Variants in CNIH3 observed in about 807,000 individuals in gnomAD.
The protein encoded by CNIH3 is protein cornichon homolog 3.
CNIH3 carries 14 observed loss-of-function variants against 24.1 expected under a neutral mutation model. That is an observed-to-expected ratio of 0.58 (90% confidence interval 0.38 to 0.91). The LOEUF (loss-of-function observed/expected upper bound fraction) is 0.91. CNIH3 is among the 40% of genes least tolerant of loss of function. The pLI, the probability that CNIH3 is intolerant of heterozygous loss-of-function variation, is 0.00. For missense variants in CNIH3, 178 were observed against 196.8 expected, an observed-to-expected ratio of 0.90 and a Z score of 0.57; for synonymous variants, 68 against 73.8, an observed-to-expected ratio of 0.92 and a Z score of 0.40.
At chr1:224,512,409 G>T (rs1260177198), upstream of CNIH3, among the ~76,000 whole-genome samples, 1 of 152,196 alleles carries the variant, frequency 6.6e-6, no homozygotes, top group Non-Finnish European at 1.5e-5. Context: ...GAGCCCAGGT[G>T]TTTGAGGTTA....
chr1:224,619,933 G>T (rs993052414), intron 1 of CNIH3, among the ~76,000 whole-genome samples: 1 of 152,222 alleles, frequency 6.6e-6, no homozygotes, highest in Non-Finnish European at 1.5e-5. Context: ...TATGTATTGG[G>T]TGTCTGCTGT....
At chr1:224,701,364 C>T (rs938917053) in intron 3 of CNIH3, among the ~76,000 whole-genome samples, 1 of 152,128 alleles carries the variant, frequency 6.6e-6, no homozygotes, top group African/African-American at 2.4e-5. Context: ...ATTAAGGTGC[C>T]AGACAATTCA....
intron 1 of CNIH3, among the ~76,000 whole-genome samples, chr1:224,643,995 G>A (rs1231387903): frequency 6.6e-6 from 1 of 152,168 alleles, no homozygotes; most frequent in African/African-American, 2.4e-5. Context: ...CAACCCTGGT[G>A]GATCTAGTGG....
At chr1:224,531,537 A>G (rs1201375031) in intron 2 of CNIH3, among the ~76,000 whole-genome samples, 2 of 152,258 alleles carry the variant, frequency 1.3e-5, no homozygotes, top group Non-Finnish European at 2.9e-5. Flanking sequence ...TGAAAGGCCA[A>G]GACAACTGGA....
At chr1:224,661,545 A>T (rs1397908509) in intron 1 of CNIH3, 1 of 354,266 alleles carries the variant, frequency 2.8e-6, no homozygotes, top group Admixed American at 3.1e-5. Context: ...ATAGATTTTC[A>T]AAGTAGGTAA....
intron 3 of CNIH3, among the ~76,000 whole-genome samples, chr1:224,549,826 A>G (rs1679843249): frequency 1.3e-5 from 2 of 152,132 alleles, no homozygotes; most frequent in Admixed American, 1.3e-4. Flanking sequence ...AATTACAAAT[A>G]CTGGATATTA....
rs368620401 is a variant in CNIH3 at position 224,525,273 on chromosome 1, A to C, written n.343+3946A>C. Among the ~76,000 whole-genome samples the C allele has an allele frequency of 1.1e-4, 16 of 152,358 alleles. No homozygotes were observed. In the East Asian group the frequency reaches 2.9e-3, roughly 28 times the overall value. ...GTTTTGCATATATTTGGTGTCATGC[A>C]ACTTTTAACTAAATGAAAGGAGAGT... On this transcript the variant is annotated intron_variant and non_coding_transcript_variant, in intron 2 of 2. Coordinates refer to the CNIH3 transcript ENST00000470602.
At chr1:224,671,228 T>TG (rs1489777169) in intron 1 of CNIH3, among the ~76,000 whole-genome samples, 1 of 152,252 alleles carries the variant, frequency 6.6e-6, no homozygotes, top group African/African-American at 2.4e-5. Context: ...TAGGGAACCC[T>TG]GACCAATACA....
intron 3 of CNIH3, among the ~76,000 whole-genome samples, chr1:224,708,382 C>T (rs1206672984): frequency 1.3e-5 from 2 of 152,208 alleles, no homozygotes; most frequent in African/African-American, 4.8e-5. Flanking sequence ...TGTCTTAAAA[C>T]ACATTTCGTC....
chr1:224,684,831 C>T lies in CNIH3; in HGVS notation c.186C>T (p.Phe62=), dbSNP rs1558291077. 1.2e-6 allele frequency: 2 copies of T among 1,614,126 alleles called. No individual in the cohort carries two copies. Among genetic ancestry groups the T allele is most frequent in the South Asian group, 2.2e-5 (2 of 91,080 alleles). The part of the protein sequence containing the change: ...ERLRNIERIC[F]LLRKLVLPEY... ...TGAGGAACATCGAGCGCATCTGCTT[C>T]CTTCTGCGAAAGGTCAGTGTGGCAG... The change falls in exon 3 of 6, where the codon TTC becomes TTT. Residue 62 remains phenylalanine (F), a synonymous_variant. Transcript: ENST00000272133. This position sits in a 1 kb window ranked among gnomAD's most constrained non-coding sequence, Gnocchi z 4.2.
chr1:224,638,302 C>T (rs1316282504), intron 1 of CNIH3, among the ~76,000 whole-genome samples: 1 of 152,244 alleles, frequency 6.6e-6, no homozygotes, highest in East Asian at 1.9e-4. Flanking sequence ...TGGGGAGATT[C>T]CCAAGGGACA....
chr1:224,641,294 C>T (rs1391009967), intron 1 of CNIH3, among the ~76,000 whole-genome samples: 1 of 152,204 alleles, frequency 6.6e-6, no homozygotes, highest in African/African-American at 2.4e-5. Flanking sequence ...CCTCCTTGCC[C>T]ACCAGTCAAT....
exon 1 of CNIH3, chr1:224,434,717 G>T: frequency 1.0e-6 from 1 of 975,846 alleles, no homozygotes; most frequent in Non-Finnish European, 1.2e-6. Context: ...GGCGGCAGCG[G>T]AGGCAGCTGC....
intron 2 of CNIH3, among the ~76,000 whole-genome samples, chr1:224,533,141 G>A (rs921128867): frequency 6.6e-6 from 1 of 151,694 alleles, no homozygotes; most frequent in African/African-American, 2.4e-5. Context: ...GTGGAGAGGA[G>A]AATTCCAAAT....
At chr1:224,638,143 A>G (rs542851881) in intron 1 of CNIH3, among the ~76,000 whole-genome samples, 74 of 152,230 alleles carry the variant, frequency 4.9e-4, no homozygotes, top group Admixed American at 2.0e-3. Context: ...GCAGGTGCCA[A>G]CATCCTAGAG....
intron 5 of CNIH3, chr1:224,583,353 T>G (rs1344608027): frequency 6.6e-6 from 1 of 152,296 alleles, no homozygotes; most frequent in Non-Finnish European, 1.5e-5. Context: ...TGAGGGAATG[T>G]CATGAATCCC....
chr1:224,715,362 G>A (rs1396189760), intron 3 of CNIH3, among the ~76,000 whole-genome samples: 1 of 152,078 alleles, frequency 6.6e-6, no homozygotes, highest in African/African-American at 2.4e-5. Flanking sequence ...TGACCGCAAG[G>A]ACTGTGTCCC....
chr1:224,685,043 G>A (rs1248339345), intron 3 of CNIH3, among the ~76,000 whole-genome samples, 200 bp downstream of exon 3: 1 of 152,168 alleles, frequency 6.6e-6, no homozygotes, highest in Admixed American at 6.5e-5. Flanking sequence ...TAAAGGAGGT[G>A]GCCATCAATC....
chr1:224,440,883 C>T (rs1031445829), intron 1 of CNIH3, among the ~76,000 whole-genome samples: 5 of 150,764 alleles, frequency 3.3e-5, no homozygotes, highest in African/African-American at 1.2e-4. Flanking sequence ...GTGGCACGAT[C>T]TCGGCTCACT....
Sources: gnomAD v4.1 joint callset for allele counts (sites outside exome capture counted in the v4.1 genomes callset) on GRCh38, gnomAD v4.1.1 for gene constraint, Gnocchi (gnomAD v3.1) non-coding constraint, MANE v1.5 for transcripts, NCBI Gene and HGNC (gene_info 2026-07-23, HGNC 2026-07-21) for gene names.